RALGPS2: variants seen among roughly 807,000 people sequenced by gnomAD.
The protein encoded by RALGPS2 is ras-specific guanine nucleotide-releasing factor RalGPS2.
RALGPS2 carries 43 observed loss-of-function variants against 86.8 expected under a neutral mutation model. The observed-to-expected ratio is 0.50, with a 90% CI of 0.39 to 0.64. The LOEUF is 0.64. Ranked by LOEUF, RALGPS2 falls within the 30% of genes least tolerant of loss-of-function variation. The pLI is 0.00. For synonymous variants in RALGPS2, 243 were observed against 231.3 expected, an observed-to-expected ratio of 1.05 and a Z score of -0.46; for missense variants, 536 against 694.6, an observed-to-expected ratio of 0.77 and a Z score of 2.57.
At chr1:178,859,401 CTTTT>C (rs543947031) in intron 8 of RALGPS2, among the ~76,000 whole-genome samples, 9 of 122,898 alleles carry the variant, frequency 7.3e-5, no homozygotes, top group Non-Finnish European at 1.0e-4. Context: ...CCAAGTTTAA[CTTTT>C]TTTTTTTTTT....
intron 10 of RALGPS2, among the ~76,000 whole-genome samples, chr1:178,880,863 G>A (rs914343894): frequency 3.9e-5 from 6 of 152,176 alleles, no homozygotes; most frequent in Non-Finnish European, 8.8e-5. Flanking sequence ...TTTGCTAAAA[G>A]GGTAGACTTA....
intron 8 of RALGPS2, among the ~76,000 whole-genome samples, chr1:178,871,765 G>A (rs181898705): frequency 1.4e-4 from 22 of 152,170 alleles, no homozygotes; most frequent in Admixed American, 9.8e-4. Flanking sequence ...GTTATTAATT[G>A]ATGTGGTGTG....
At chr1:178,807,483 C>A (rs1654797101) in intron 4 of RALGPS2, among the ~76,000 whole-genome samples, 1 of 152,194 alleles carries the variant, frequency 6.6e-6, no homozygotes, top group African/African-American at 2.4e-5. Flanking sequence ...CCACTGTAAT[C>A]TGTAGCCTAC....
chr1:178,866,973 A>G (rs1018510789), intron 8 of RALGPS2, among the ~76,000 whole-genome samples: 1 of 152,092 alleles, frequency 6.6e-6, no homozygotes, highest in Non-Finnish European at 1.5e-5. Flanking sequence ...TGTCAGATCT[A>G]CTAACGAGCT....
At chr1:178,857,400 T>C (rs1419197542) in intron 8 of RALGPS2, among the ~76,000 whole-genome samples, 1 of 152,224 alleles carries the variant, frequency 6.6e-6, no homozygotes, top group East Asian at 1.9e-4. Flanking sequence ...AGGACTGTTT[T>C]AGGCTCAAGG....
At position 178,764,941 on chromosome 1, in the gene RALGPS2, A is replaced by G. The variant is rs566585569; in HGVS notation, c.-83-11741A>G. ...AGTGCTGTCTCATGATAGAGTTCTC[A>G]TGAGATCTGGTTGTTGGACAGTGTG... On this transcript the variant is annotated intron_variant, in intron 1 of 19. Transcript: ENST00000367635. Among the ~76,000 whole-genome samples the G allele has an allele frequency of 6.6e-4, 101 of 152,130 alleles. 1 individual carries two copies. Among genetic ancestry groups the G allele is most frequent in the Non-Finnish European group, 1.1e-3 (78 of 67,992 alleles).
At chr1:178,906,677 A>C (rs1165236606) in intron 18 of RALGPS2, 99 bp from the exon 19 acceptor site, 24 of 860,384 alleles carry the variant, frequency 2.8e-5, no homozygotes, top group Non-Finnish European at 4.2e-5. Flanking sequence ...TAAAACTGAA[A>C]ACTCTAGTCA....
At chr1:178,739,709 C>CCA (rs2102019173) in intron 1 of RALGPS2, among the ~76,000 whole-genome samples, 1 of 152,296 alleles carries the variant, frequency 6.6e-6, no homozygotes, top group East Asian at 1.9e-4. Flanking sequence ...CACTCTGTTT[C>CCA]CTTTCTTCAA....
chr1:178,751,833 A>G (rs183959813), intron 1 of RALGPS2, among the ~76,000 whole-genome samples: 3 of 152,356 alleles, frequency 2.0e-5, no homozygotes, highest in East Asian at 1.9e-4. Flanking sequence ...TGGGTAAGCT[A>G]CAAGTCGCTA....
At chr1:178,900,640 A>G (rs972996495) in intron 17 of RALGPS2, among the ~76,000 whole-genome samples, 28 of 152,036 alleles carry the variant, frequency 1.8e-4, no homozygotes, top group Non-Finnish European at 3.5e-4. Flanking sequence ...GAAATACCCA[A>G]AATACTTATC....
chr1:178,844,756 A>G (rs2102276182), intron 8 of RALGPS2, among the ~76,000 whole-genome samples: 1 of 152,334 alleles, frequency 6.6e-6, no homozygotes, highest in South Asian at 2.1e-4. Context: ...TATTTTGCTG[A>G]CGAGAGCAAA....
chr1:178,816,145 A>G (rs1655216971), intron 6 of RALGPS2, among the ~76,000 whole-genome samples: 2 of 152,188 alleles, frequency 1.3e-5, no homozygotes. Context: ...AAACTGCCAA[A>G]TATTGTTATT....
chr1:178,829,925 A>G (rs1306202708), intron 7 of RALGPS2, among the ~76,000 whole-genome samples: 2 of 151,880 alleles, frequency 1.3e-5, no homozygotes, highest in Non-Finnish European at 2.9e-5. Flanking sequence ...TTATATTTTT[A>G]GTAGAGATGG....
At chr1:178,777,290 C>T (rs1055272278) in intron 2 of RALGPS2, among the ~76,000 whole-genome samples, 8 of 152,052 alleles carry the variant, frequency 5.3e-5, no homozygotes, top group African/African-American at 1.9e-4. Flanking sequence ...CTCCCATTCA[C>T]AATTGCTTCA....
intron 8 of RALGPS2, chr1:178,864,902 C>T: frequency 1.4e-5 from 17 of 1,204,514 alleles, no homozygotes; most frequent in Non-Finnish European, 1.8e-5. Context: ...TTTCATAAGG[C>T]ATAAAAATAT....
chr1:178,738,203 CTTTTTTTTTTTT>C (rs1051296802), intron 1 of RALGPS2, among the ~76,000 whole-genome samples: 1 of 110,744 alleles, frequency 9.0e-6, no homozygotes, highest in Non-Finnish European at 1.8e-5. Context: ...AGATGGATAT[CTTTTTTTTTTTT>C]TTTTTTTTTT....
At chr1:178,849,828 A>G (rs1657059534) in intron 8 of RALGPS2, 2 of 152,254 alleles carry the variant, frequency 1.3e-5, no homozygotes, top group Non-Finnish European at 1.5e-5. Flanking sequence ...ACATTAAGCT[A>G]TTCCCATGCA....
At chr1:178,748,363 C>CCACTCCTAG (rs1651460090) in intron 1 of RALGPS2, among the ~76,000 whole-genome samples, 1 of 151,678 alleles carries the variant, frequency 6.6e-6, no homozygotes, top group Non-Finnish European at 1.5e-5. Flanking sequence ...ACCAGCAGCT[C>CCACTCCTAG]CACTCCTAGG....
chr1:178,909,403 TTTGTTGTTG>T (rs369628282), intron 19 of RALGPS2, among the ~76,000 whole-genome samples: 13 of 151,700 alleles, frequency 8.6e-5, no homozygotes, highest in East Asian at 1.9e-4. Context: ...TATTTGGGCT[TTTGTTGTTG>T]TTGTTGTTGT....
Sources: gnomAD v4.1 joint callset for allele counts (sites outside exome capture counted in the v4.1 genomes callset) on GRCh38, gnomAD v4.1.1 for gene constraint, MANE v1.5 for transcripts, NCBI Gene and HGNC (gene_info 2026-07-23, HGNC 2026-07-21) for gene names.